Variants in ZNF536 observed in about 807,000 individuals in gnomAD.
The protein encoded by ZNF536 is zinc finger protein 536.
A neutral mutation model predicts 84.5 loss-of-function variants in ZNF536; 13 were observed. The observed-to-expected ratio is 0.15, with a 90% CI of 0.10 to 0.24. ZNF536 has a LOEUF of 0.24. Ranked by LOEUF, ZNF536 falls within the 10% of genes least tolerant of loss-of-function variation. The pLI is 1.00. For synonymous variants in ZNF536, 811 were observed against 742.5 expected (o/e 1.09, Z -1.50); for missense variants, 1,536 against 1,747.5 (o/e 0.88, Z 2.16).
At chr19:30,240,057 G>T (rs1229326481) in intron 1 of ZNF536, among the ~76,000 whole-genome samples, 1 of 152,068 alleles carries the variant, frequency 6.6e-6, no homozygotes, top group Admixed American at 6.5e-5. Context: ...CAAAGGTGTC[G>T]ACATTGGTTG....
chr19:30,258,277 G>A (rs2025016054), intron 1 of ZNF536, among the ~76,000 whole-genome samples: 2 of 152,176 alleles, frequency 1.3e-5, no homozygotes, highest in Non-Finnish European at 2.9e-5. Flanking sequence ...GGTGACAGAA[G>A]GGACACTAAA....
At chr19:30,315,603 T>C (rs1304121515) in intron 2 of ZNF536, among the ~76,000 whole-genome samples, 4 of 152,206 alleles carry the variant, frequency 2.6e-5, no homozygotes, top group Admixed American at 6.5e-5. Flanking sequence ...GTGTAGTTGA[T>C]TTCACTGAAT....
In ZNF536 at chr19:30,548,450, C is replaced by G. The variant is rs61741995; in HGVS notation, c.2831C>G (p.Pro944Arg). Residue 944 changes from proline to arginine, a missense_variant, in exon 4 of 5, where the codon CCC becomes CGC. Transcript: ENST00000355537. ...KDMKDKALAD[P>R]PSMKVHGVDG... is the part of the protein sequence containing the mutation. ...ATGAAGGACAAAGCCCTGGCTGACC[C>G]CCCTTCCATGAAAGTCCACGGAGTG... 14 of 1,614,026 alleles carry G rather than the reference C, an allele frequency of 8.7e-6. No individual in the cohort carries two copies. The Admixed American group carries it at 1.2e-4, about 13-fold the overall frequency.
At chr19:30,452,980 CG>C (rs1336103687) in intron 2 of ZNF536, among the ~76,000 whole-genome samples, 5 of 34,398 alleles carry the variant, frequency 1.5e-4, no homozygotes, top group East Asian at 6.8e-4. Flanking sequence ...TGCATGGTGT[CG>C]GGGGGGTGGG....
At chr19:30,303,363 G>C (rs1451869560) in intron 2 of ZNF536, among the ~76,000 whole-genome samples, 1 of 152,246 alleles carries the variant, frequency 6.6e-6, no homozygotes, top group Non-Finnish European at 1.5e-5. Context: ...GGCAAGAGAG[G>C]CAGTGCGGGA....
chr19:30,632,651 AAACCAACCAACCAACC>A (rs34446654), intron 1 of ZNF536, among the ~76,000 whole-genome samples: 6 of 149,594 alleles, frequency 4.0e-5, no homozygotes, highest in East Asian at 4.0e-4. Flanking sequence ...ATCAACCAAC[AAACCAACCAACCAACC>A]AACCAACCAA....
intron 1 of ZNF536, among the ~76,000 whole-genome samples, chr19:30,596,168 T>G (rs1458603649): frequency 6.6e-6 from 1 of 151,458 alleles, no homozygotes; most frequent in African/African-American, 2.4e-5. Context: ...TAAAAGCCAA[T>G]TTGACTAAAA....
chr19:30,434,430 A>G (rs1353282996), intron 1 of ZNF536, among the ~76,000 whole-genome samples: 1 of 152,054 alleles, frequency 6.6e-6, no homozygotes, highest in Non-Finnish European at 1.5e-5. Flanking sequence ...CCTTCTTTCC[A>G]GGCATTTCCC....
chr19:30,489,081 C>A (rs1385640012), intron 2 of ZNF536, among the ~76,000 whole-genome samples: 1 of 152,140 alleles, frequency 6.6e-6, no homozygotes, highest in African/African-American at 2.4e-5. Context: ...GGCAGAGAAC[C>A]CACAGCTCAA....
chr19:30,391,774 T>A (rs1045388191), intron 1 of ZNF536, among the ~76,000 whole-genome samples: 1 of 152,124 alleles, frequency 6.6e-6, no homozygotes, highest in African/African-American at 2.4e-5. Flanking sequence ...ACAAACAGCA[T>A]CTTCCACTAA....
chr19:30,476,502 C>T (rs1374572144), intron 2 of ZNF536, among the ~76,000 whole-genome samples: 1 of 152,156 alleles, frequency 6.6e-6, no homozygotes, highest in East Asian at 1.9e-4. Context: ...TGAGAATCGG[C>T]CTCTGATGGG....
intron 2 of ZNF536, among the ~76,000 whole-genome samples, chr19:30,325,706 A>G (rs2047001336): frequency 6.6e-6 from 1 of 152,166 alleles, no homozygotes; most frequent in Non-Finnish European, 1.5e-5. Context: ...ATGGTGTCCA[A>G]TCTGTGGACC....
chr19:30,650,415 C>T (rs1475038579), intron 1 of ZNF536, among the ~76,000 whole-genome samples: 2 of 152,220 alleles, frequency 1.3e-5, no homozygotes. Context: ...CCAAAGATTT[C>T]TCTCCTTTTC....
chr19:30,318,122 T>G (rs186453954), intron 2 of ZNF536, among the ~76,000 whole-genome samples: 13 of 152,176 alleles, frequency 8.5e-5, no homozygotes, highest in African/African-American at 3.1e-4. Context: ...TGTGATCACA[T>G]TTTTTAAAAT....
At chr19:30,562,567 C>T (rs542234788), downstream of ZNF536, among the ~76,000 whole-genome samples, 2 of 152,230 alleles carry the variant, frequency 1.3e-5, no homozygotes, top group Admixed American at 6.5e-5. Flanking sequence ...TTCAACCTGT[C>T]GAGCTCACAG....
intron 2 of ZNF536, among the ~76,000 whole-genome samples, chr19:30,485,492 T>C (rs2054270122): frequency 6.6e-6 from 1 of 152,196 alleles, no homozygotes. Flanking sequence ...CCTGTCACTA[T>C]AGATTTACTG....
chr19:30,512,515 C>G (rs2145555093), intron 2 of ZNF536, among the ~76,000 whole-genome samples: 1 of 151,918 alleles, frequency 6.6e-6, no homozygotes, highest in South Asian at 2.1e-4. Flanking sequence ...GACCCCTGTC[C>G]AAGCATAATG....
intron 1 of ZNF536, among the ~76,000 whole-genome samples, chr19:30,633,181 G>A (rs1338653779): frequency 6.6e-6 from 1 of 152,214 alleles, no homozygotes; most frequent in East Asian, 1.9e-4. Flanking sequence ...AGGTATAGAA[G>A]AAGCTGATTG....
At chr19:30,390,376 T>C (rs1172841405) in intron 1 of ZNF536, among the ~76,000 whole-genome samples, 1 of 152,004 alleles carries the variant, frequency 6.6e-6, no homozygotes. Flanking sequence ...CAAGTGAGAG[T>C]AGCATTAAAT....
Sources: allele counts gnomAD v4.1 joint callset (sites outside exome capture counted in the v4.1 genomes callset), GRCh38; gene constraint gnomAD v4.1.1; transcripts MANE v1.5; gene names NCBI Gene and HGNC (gene_info 2026-07-23, HGNC 2026-07-21).